Variants in URI1 observed in about 807,000 individuals in gnomAD.
URI1 encodes unconventional prefoldin RPB5 interactor 1.
URI1 carries 39 observed loss-of-function variants against 60.2 expected under a neutral mutation model. The ratio of observed to expected loss-of-function variants is 0.65; its 90% confidence interval spans 0.50 to 0.85. The LOEUF is 0.85. URI1 is among the 40% of genes least tolerant of loss of function. The pLI, the probability that URI1 is intolerant of heterozygous loss-of-function variation, is 0.00. For synonymous variants in URI1, 251 were observed against 236.8 expected (o/e 1.06, Z -0.55); for missense variants, 691 against 665.9 (o/e 1.04, Z -0.42).
rs192160965 is a variant in URI1 at position 29,980,778 on chromosome 19, C to T, written c.153-4445C>T. On this transcript the variant is annotated intron_variant, in intron 2 of 10. Coordinates refer to ENST00000392271, the MANE Select transcript of URI1 (RefSeq NM_003796.3). Reference sequence around the variant, plus strand: ...CTCTACTAAAAATACAAAAATTAGCCGGGTGCGGTGGCGCGTGCCTATAAT... The same window carrying T: ...CTCTACTAAAAATACAAAAATTAGCTGGGTGCGGTGGCGCGTGCCTATAAT... Among the ~76,000 whole-genome samples, 744 of 151,516 alleles carry T rather than the reference C, an allele frequency of 4.9e-3. 34 individuals carry two copies. The highest frequency in any genetic ancestry group is 0.042 in the Admixed American group (633 of 15,216).
chr19:30,003,704 T>C (rs1166371866), intron 4 of URI1, among the ~76,000 whole-genome samples: 1 of 152,044 alleles, frequency 6.6e-6, no homozygotes, highest in African/African-American at 2.4e-5. Flanking sequence ...TCTTTACACA[T>C]TGACAACCCA....
Position 29,971,191 on chromosome 19 carries a change from A to G in URI1, c.118-2A>G, listed in dbSNP as rs2055454963. 1 of 1,613,148 alleles carries G rather than the reference A, an allele frequency of 6.2e-7. No individual in the cohort carries two copies. On this transcript the variant is annotated splice_acceptor_variant, in intron 1 of 10. Transcript: ENST00000392271. LOFTEE classifies it high-confidence loss of function. ...ATGAGTAGTTATCTGTTTTCATGAC[A>G]GGTGGTCACTAACTGCCAAGAGAGA...
intron 1 of URI1, among the ~76,000 whole-genome samples, chr19:29,924,648 G>A (rs1222782188): frequency 6.6e-6 from 1 of 152,130 alleles, no homozygotes; most frequent in Non-Finnish European, 1.5e-5. Flanking sequence ...GCTGTCCTGT[G>A]AGCAAGTGAT....
intron 8 of URI1, among the ~76,000 whole-genome samples, chr19:30,010,064 C>G (rs756930175): frequency 6.6e-5 from 10 of 152,146 alleles, no homozygotes; most frequent in Admixed American, 2.6e-4. Flanking sequence ...GCTCCATGTA[C>G]TGCTCTAAGG....
chr19:29,974,945 G>GTA (rs2080982386), intron 2 of URI1, among the ~76,000 whole-genome samples: 1 of 152,176 alleles, frequency 6.6e-6, no homozygotes, highest in African/African-American at 2.4e-5. Context: ...GTAGTCCATA[G>GTA]TATATATGTA....
intron 1 of URI1, among the ~76,000 whole-genome samples, chr19:29,933,761 G>A (rs2054942912): frequency 6.6e-6 from 1 of 151,516 alleles, no homozygotes; most frequent in South Asian, 2.1e-4. Context: ...GGCGGAGGTT[G>A]CAGTGAGCCG....
At chr19:29,996,779 C>T (rs1378133541) in intron 4 of URI1, among the ~76,000 whole-genome samples, 26 of 150,696 alleles carry the variant, frequency 1.7e-4, no homozygotes, top group South Asian at 2.1e-4. Flanking sequence ...AAGTTCCCTT[C>T]TGTTTCTAAT....
At chr19:29,942,779 G>T (rs1339398316) in intron 1 of URI1, 115 bp downstream of exon 1, 5 of 1,181,732 alleles carry the variant, frequency 4.2e-6, no homozygotes, top group South Asian at 6.1e-5. Context: ...CGGAGGGAAC[G>T]GGGATAAACT....
Position 30,005,416 on chromosome 19 carries a change from A to G in URI1, c.423A>G (p.Arg141=). The G allele has an allele frequency of 6.2e-7, 1 of 1,603,974 alleles. No individual in the cohort carries two copies. The highest frequency in any genetic ancestry group is 1.1e-5 in the South Asian group (1 of 88,644). The part of the protein sequence containing the change: ...LKKVMKNFES[R]VEFTEDLQKM... ...AAGTGATGAAAAATTTTGAATCCAG[A>G]GTTGAATTCACAGAAGATTTGCAGA... Residue 141 remains arginine (R), a synonymous_variant, in exon 5 of 11, where the codon AGA becomes AGG. Transcript: ENST00000392271.
intron 2 of URI1, among the ~76,000 whole-genome samples, chr19:29,973,533 A>G (rs773208365): frequency 8.5e-5 from 13 of 152,172 alleles, no homozygotes; most frequent in Non-Finnish European, 1.8e-4. Context: ...GGTGATGTTT[A>G]TGCTTGTTTG....
Position 29,986,368 on chromosome 19 carries a change from A to G in URI1, c.318A>G (p.Ala106=), listed in dbSNP as rs746889521. 1.9e-6 allele frequency: 3 copies of G among 1,610,426 alleles called. No homozygotes were observed. The highest frequency in any genetic ancestry group is 2.2e-5 in the South Asian group (2 of 90,348). Residue 106 remains alanine (A), a synonymous_variant, in exon 4 of 11, where the codon GCA becomes GCG. Coordinates refer to ENST00000392271, the MANE Select transcript of URI1 (RefSeq NM_003796.3). ...VTVLLGDNWF[A]KCSAKQAVGL... ...TTTTACTGGGGGACAACTGGTTTGCAAAGTGCTCAGCAAAGCAGGCTGTAG... is the reference window on the plus strand; with the variant it reads ...TTTTACTGGGGGACAACTGGTTTGCGAAGTGCTCAGCAAAGCAGGCTGTAG...
chr19:29,992,882 G>A (rs1254634783), intron 4 of URI1, among the ~76,000 whole-genome samples: 1 of 152,132 alleles, frequency 6.6e-6, no homozygotes, highest in Non-Finnish European at 1.5e-5. Context: ...CTAGTATCTA[G>A]GCACCATGTC....
intron 1 of URI1, among the ~76,000 whole-genome samples, chr19:29,966,137 G>T (rs574444196): frequency 8.3e-4 from 127 of 152,146 alleles, no homozygotes; most frequent in East Asian, 1.7e-3. Context: ...TATGGTGGTT[G>T]ATTTATTTAT....
At chr19:29,930,545 A>C (rs2054907633) in intron 1 of URI1, among the ~76,000 whole-genome samples, 1 of 150,920 alleles carries the variant, frequency 6.6e-6, no homozygotes, top group Non-Finnish European at 1.5e-5. Context: ...TATTCTTCTT[A>C]TGTAAGGCAC....
chr19:29,978,427 A>T (rs964488161), intron 2 of URI1, among the ~76,000 whole-genome samples: 4 of 152,044 alleles, frequency 2.6e-5, no homozygotes, highest in African/African-American at 9.7e-5. Context: ...ACACCTCATG[A>T]TTTTTTATCT....
chr19:29,950,151 T>C (rs2055161904), intron 1 of URI1, among the ~76,000 whole-genome samples: 1 of 151,944 alleles, frequency 6.6e-6, no homozygotes, highest in Non-Finnish European at 1.5e-5. Flanking sequence ...GTTTTAGTTC[T>C]TTGGAAGTTG....
intron 1 of URI1, among the ~76,000 whole-genome samples, chr19:29,926,522 T>A (rs10421745): frequency 0.015 from 2,271 of 152,218 alleles, 60 homozygotes; most frequent in African/African-American, 0.052. Flanking sequence ...CCTCAAGTGA[T>A]CTTTCTGCAT....
intron 1 of URI1, among the ~76,000 whole-genome samples, chr19:29,956,151 A>G (rs1342937121): frequency 1.3e-5 from 2 of 149,840 alleles, no homozygotes; most frequent in Non-Finnish European, 3.0e-5. Context: ...CACCCAGCTA[A>G]TTTTTGTATT....
intron 2 of URI1, among the ~76,000 whole-genome samples, chr19:29,976,594 G>A (rs2055525565): frequency 6.6e-6 from 1 of 152,170 alleles, no homozygotes; most frequent in African/African-American, 2.4e-5. Context: ...AGAATTAATG[G>A]TCATTTTTAA....
Sources: gnomAD v4.1 joint callset for allele counts (sites outside exome capture counted in the v4.1 genomes callset) on GRCh38, gnomAD v4.1.1 for gene constraint, MANE v1.5 for transcripts, NCBI Gene and HGNC (gene_info 2026-07-23, HGNC 2026-07-21) for gene names.